Variants in RNF216 observed in about 807,000 individuals in gnomAD.
RNF216 encodes ring finger protein 216.
RNF216 carries 72 observed loss-of-function variants against 110.8 expected under a neutral mutation model. That is an observed-to-expected ratio of 0.65 (90% CI 0.54 to 0.79). The LOEUF (loss-of-function observed/expected upper bound fraction) is 0.79, where lower values mean the gene tolerates loss of function less well. Among genes scored for constraint, RNF216 ranks in the 30% least tolerant of loss-of-function variants. The pLI is 0.00. For synonymous variants in RNF216, 495 were observed against 407.5 expected, an observed-to-expected ratio of 1.21 and a Z score of -2.59; for missense variants, 1,342 against 1,141.2, an observed-to-expected ratio of 1.18 and a Z score of -2.54.
intron 13 of RNF216, among the ~76,000 whole-genome samples, chr7:5,708,669 C>T (rs1792458482): frequency 1.3e-5 from 2 of 152,124 alleles, no homozygotes; most frequent in Non-Finnish European, 1.5e-5. Context: ...TTTTCAGGAG[C>T]TTGCAAGCTC....
At chr7:5,708,641 C>T (rs1792456361) in intron 13 of RNF216, among the ~76,000 whole-genome samples, 2 of 152,194 alleles carry the variant, frequency 1.3e-5, no homozygotes, top group South Asian at 4.1e-4. Flanking sequence ...TATAAGTGCT[C>T]AGGCTTTTGT....
intron 3 of RNF216, 44 bp downstream of exon 3, chr7:5,752,802 C>A: frequency 6.3e-7 from 1 of 1,596,562 alleles, no homozygotes; most frequent in African/African-American, 1.3e-5. Flanking sequence ...AATCAGATCA[C>A]CAACTTGCAA....
At chr7:5,653,129 A>C (rs75396364) in intron 13 of RNF216, among the ~76,000 whole-genome samples, 6,332 of 152,064 alleles carry the variant, frequency 0.042, 177 homozygotes, top group East Asian at 0.092. Flanking sequence ...GGGGCTCCTA[A>C]GGGAGACTTT....
At chr7:5,679,125 C>T (rs1790491989) in intron 13 of RNF216, among the ~76,000 whole-genome samples, 1 of 152,132 alleles carries the variant, frequency 6.6e-6, no homozygotes, top group African/African-American at 2.4e-5. Flanking sequence ...GATGAAACAT[C>T]TTAGTTATCA....
intron 13 of RNF216, among the ~76,000 whole-genome samples, chr7:5,654,317 A>G (rs1788594488): frequency 6.6e-6 from 1 of 152,104 alleles, no homozygotes. Flanking sequence ...AGAATTTAAA[A>G]AGGGAGAAAA....
chr7:5,657,915 T>C (rs1395735914), intron 13 of RNF216, among the ~76,000 whole-genome samples: 1 of 152,228 alleles, frequency 6.6e-6, no homozygotes, highest in Non-Finnish European at 1.5e-5. Context: ...AACCTCTATT[T>C]TTCCTAGGTC....
At chr7:5,731,981 C>T (rs916872832) in intron 5 of RNF216, among the ~76,000 whole-genome samples, 5 of 152,170 alleles carry the variant, frequency 3.3e-5, no homozygotes, top group South Asian at 2.1e-4. Context: ...CATCTCAATG[C>T]ATTTCCCTTT....
At chr7:5,639,513 G>C (rs1466165822) in intron 15 of RNF216, among the ~76,000 whole-genome samples, 1 of 152,070 alleles carries the variant, frequency 6.6e-6, no homozygotes, top group Non-Finnish European at 1.5e-5. Context: ...ACCCAGGCTG[G>C]AGTATAGTGG....
In RNF216 at chr7:5,725,389, C is replaced by A. The variant is rs774551921; in HGVS notation, c.1439G>T (p.Ser480Ile). 1.7e-5 allele frequency: 27 copies of A among 1,613,864 alleles called. No individual in the cohort carries two copies. The highest frequency in any genetic ancestry group is 2.2e-5 in the Non-Finnish European group (26 of 1,179,860). Residue 480 changes from serine (S) to isoleucine (I), a missense_variant, in exon 8 of 17, where the codon AGT becomes ATT. By Grantham distance (142) the Ser-to-Ile change is moderately radical. Coordinates refer to ENST00000389902, the MANE Select transcript of RNF216 (RefSeq NM_207111.4). ...KKWQELSPETSGKRKKRKQMN... is the reference protein window; with the variant it reads ...KKWQELSPETIGKRKKRKQMN... ...TTGTTTTCTCTTCTTCCTTTTTCCACTGGTTTCTGGTGACAGCTCCTGCCA... is the reference window on the plus strand; with the variant it reads ...TTGTTTTCTCTTCTTCCTTTTTCCAATGGTTTCTGGTGACAGCTCCTGCCA...
rs1036584371 is a variant in RNF216, at chr7:5,688,369, A to C, written c.2061+23392T>G. ...CTATTTCAGACAAACCGCATGTCAA[A>C]GGAAATTGCCCAGCTACACCTCTTT... On this transcript the variant is annotated intron_variant, in intron 13 of 16. Coordinates refer to ENST00000389902, the MANE Select transcript of RNF216 (RefSeq NM_207111.4). 6.6e-5 allele frequency among the ~76,000 whole-genome samples: 10 copies of C among 152,350 alleles called. No individual in the cohort carries two copies. In the East Asian group the frequency reaches 1.9e-3, roughly 29 times the overall value.
chr7:5,727,700 GCC>G (rs1793844165), intron 7 of RNF216, among the ~76,000 whole-genome samples: 1 of 152,128 alleles, frequency 6.6e-6, no homozygotes, highest in Non-Finnish European at 1.5e-5. Flanking sequence ...CTGTACTCCA[GCC>G]TGGGTGAGAG....
chr7:5,623,100 G>A lies in RNF216; in HGVS notation c.2532C>T (p.Pro844=), dbSNP rs35337338. The change falls in exon 17 of 17, where the codon CCC becomes CCT. Residue 844 remains proline, a synonymous_variant. Transcript: ENST00000389902. ...KVQRVEALPR[P]VPQNLPQPQM... ...GTGGCTGTGGCAGGTTCTGCGGAAC[G>A]GGCCTCGGGAGGGCCTCCACCCTCT... 224 of 1,609,590 alleles carry A rather than the reference G, an allele frequency of 1.4e-4. No homozygotes were observed. In the African/African-American group the frequency reaches 2.1e-3, roughly 15 times the overall value.
intron 16 of RNF216, 65 bp from the exon 17 acceptor site, chr7:5,623,244 G>A (rs1161870030): frequency 7.9e-5 from 115 of 1,460,378 alleles, no homozygotes; most frequent in Non-Finnish European, 1.0e-4. Context: ...TCTAGCCTGG[G>A]ACCAGGGCAG....
At chr7:5,645,869 C>T (rs576871998) in intron 14 of RNF216, among the ~76,000 whole-genome samples, 2 of 152,290 alleles carry the variant, frequency 1.3e-5, no homozygotes, top group African/African-American at 4.8e-5. Flanking sequence ...GGATTACAGG[C>T]GTGAGCCACT....
At chr7:5,774,545 T>G (rs1343645425) in intron 1 of RNF216, among the ~76,000 whole-genome samples, 1 of 152,244 alleles carries the variant, frequency 6.6e-6, no homozygotes, top group Non-Finnish European at 1.5e-5. Flanking sequence ...TGTGACATTG[T>G]GCTATTTTTA....
chr7:5,753,695 C>T (rs1398537545), intron 2 of RNF216, among the ~76,000 whole-genome samples: 2 of 152,058 alleles, frequency 1.3e-5, no homozygotes, highest in Non-Finnish European at 2.9e-5. Context: ...TTAAGAGGGA[C>T]AATTTTAAAA....
chr7:5,731,940 A>C (rs1352664899), intron 5 of RNF216, among the ~76,000 whole-genome samples: 1 of 152,190 alleles, frequency 6.6e-6, no homozygotes, highest in South Asian at 2.1e-4. Context: ...CCCGCCGGGG[A>C]CCCACGTCAA....
chr7:5,738,047 C>T (rs1794529408), intron 5 of RNF216, among the ~76,000 whole-genome samples: 1 of 142,918 alleles, frequency 7.0e-6, no homozygotes, highest in South Asian at 2.1e-4. Flanking sequence ...CAAGATCGCA[C>T]CACTGCACTC....
chr7:5,761,468 A>G (rs1795929851), intron 1 of RNF216, among the ~76,000 whole-genome samples: 1 of 152,168 alleles, frequency 6.6e-6, no homozygotes, highest in African/African-American at 2.4e-5. Context: ...CCTCACTAAT[A>G]ATCAGGGAAA....
Sources: gnomAD v4.1 joint callset for allele counts (sites outside exome capture counted in the v4.1 genomes callset) on GRCh38, gnomAD v4.1.1 for gene constraint, MANE v1.5 for transcripts, NCBI Gene and HGNC (gene_info 2026-07-23, HGNC 2026-07-21) for gene names.